Variants in LRIF1 observed in about 807,000 individuals in gnomAD.
The protein encoded by LRIF1 is ligand-dependent nuclear receptor-interacting factor 1.
A neutral mutation model predicts 52.7 loss-of-function variants in LRIF1; 32 were observed. The ratio of observed to expected loss-of-function variants is 0.61; its 90% CI spans 0.46 to 0.82. The LOEUF is 0.82. Among genes scored for constraint, LRIF1 ranks in the 40% least tolerant of loss-of-function variants. The pLI, the probability that LRIF1 is intolerant of heterozygous loss-of-function variation, is 0.00. For missense variants in LRIF1, 887 were observed against 892.0 expected (o/e 0.99, Z 0.07); for synonymous variants, 323 against 317.4 (o/e 1.02, Z -0.19).
the LRIF1 span, among the ~76,000 whole-genome samples, chr1:110,905,355 G>T: frequency 1.3e-5 from 2 of 151,870 alleles, no homozygotes; most frequent in Non-Finnish European, 2.9e-5. Flanking sequence ...GACTCCCAAA[G>T]ATCAAGGACA....
the LRIF1 span, chr1:110,891,270 T>C: frequency 1.4e-6 from 1 of 701,288 alleles, no homozygotes; most frequent in Non-Finnish European, 2.5e-6. Context: ...GGGGAAACTT[T>C]CCAGAGGAGA....
chr1:110,937,832 A>T, the LRIF1 span: 1 of 152,140 alleles, frequency 6.6e-6, no homozygotes, highest in African/African-American at 2.4e-5. Flanking sequence ...CAGACTAAGA[A>T]GAAAAAAGGA....
intron 2 of LRIF1, 105 bp downstream of exon 2, chr1:110,951,183 G>T: frequency 1.1e-6 from 1 of 892,756 alleles, no homozygotes; most frequent in Non-Finnish European, 1.7e-6. Context: ...TGTGTGATGG[G>T]GTTGGCAGTG....
chr1:110,901,942 C>CT, the LRIF1 span, among the ~76,000 whole-genome samples: 1 of 152,186 alleles, frequency 6.6e-6, no homozygotes, highest in Non-Finnish European at 1.5e-5. Flanking sequence ...TAGGCTTTGT[C>CT]TTTAACTCTA....
the LRIF1 span, among the ~76,000 whole-genome samples, chr1:110,884,447 TG>T: frequency 6.6e-6 from 1 of 152,154 alleles, no homozygotes; most frequent in South Asian, 2.1e-4. Flanking sequence ...TCTGCTGTTG[TG>T]GGGTGGAGTG....
the LRIF1 span, among the ~76,000 whole-genome samples, chr1:110,882,449 G>T: frequency 6.6e-5 from 10 of 151,938 alleles, no homozygotes; most frequent in Non-Finnish European, 1.5e-4. Flanking sequence ...TTTAACACCA[G>T]TGCTATCCTG....
intron 2 of LRIF1, among the ~76,000 whole-genome samples, chr1:110,950,597 G>T (rs1212433403): frequency 6.6e-6 from 1 of 151,892 alleles, no homozygotes; most frequent in Non-Finnish European, 1.5e-5. Context: ...GAAAAGATGG[G>T]TACAAATATC....
the LRIF1 span, among the ~76,000 whole-genome samples, chr1:110,889,761 A>G: frequency 3.9e-5 from 6 of 152,188 alleles, no homozygotes. Context: ...ATTCTCACAC[A>G]GCTGTTTAGA....
chr1:110,957,301 C>CAAAAAAA (rs35011841), intron 1 of LRIF1, among the ~76,000 whole-genome samples: 58 of 81,810 alleles, frequency 7.1e-4, no homozygotes, highest in Non-Finnish European at 9.7e-4. Context: ...ACTAAAAATA[C>CAAAAAAA]AAAAAAAAAA....
the LRIF1 span, among the ~76,000 whole-genome samples, chr1:110,933,938 C>T: frequency 2.6e-5 from 4 of 152,144 alleles, no homozygotes; most frequent in African/African-American, 9.7e-5. Context: ...CCCCTTCCTT[C>T]TGCCTGAGGA....
chr1:110,892,621 G>A, the LRIF1 span: 1 of 1,055,818 alleles, frequency 9.5e-7, no homozygotes, highest in Non-Finnish European at 1.4e-6. Context: ...ATCACTTATA[G>A]GCACAGAAAG....
the LRIF1 span, among the ~76,000 whole-genome samples, chr1:110,890,734 C>G: frequency 6.6e-6 from 1 of 152,202 alleles, no homozygotes; most frequent in African/African-American, 2.4e-5. Flanking sequence ...ACATTGCTAT[C>G]TCTTTTTACT....
In LRIF1 at chr1:110,947,776, G is replaced by T; in HGVS notation, c.*183C>A. ...TAAGACAAAGGTATAGATACCCCAT[G>T]TAAATTATTCACAAGTCATATGTGA... On this transcript the variant is annotated 3_prime_UTR_variant, in exon 4 of 4. Coordinates refer to ENST00000369763, the MANE Select transcript of LRIF1 (RefSeq NM_018372.4). The T allele has an allele frequency of 1.5e-6, 1 of 685,082 alleles. No homozygotes were observed. Among genetic ancestry groups the T allele is most frequent in the Non-Finnish European group, 2.2e-6 (1 of 460,588 alleles). 42.4% of individuals were successfully genotyped at this position (685,082 alleles called of 1,614,324 possible).
chr1:110,962,095 C>CACAA (rs1658981580), intron 1 of LRIF1, among the ~76,000 whole-genome samples: 1 of 150,978 alleles, frequency 6.6e-6, no homozygotes, highest in Admixed American at 6.6e-5. Context: ...CACACACACA[C>CACAA]AAAGTAAAGT....
At chr1:110,936,351 G>C in the LRIF1 span, 4 of 152,132 alleles carry the variant, frequency 2.6e-5, no homozygotes, top group Non-Finnish European at 5.9e-5. Flanking sequence ...TAAAAAGAAA[G>C]ACTGACCAAT....
chr1:110,943,914 A>AT (rs1454661318), downstream of LRIF1: 1 of 152,198 alleles, frequency 6.6e-6, no homozygotes, highest in Non-Finnish European at 1.5e-5. Context: ...TATTACAGAA[A>AT]TTTTAAGAGC....
At chr1:110,907,429 G>A in the LRIF1 span, among the ~76,000 whole-genome samples, 1 of 152,156 alleles carries the variant, frequency 6.6e-6, no homozygotes, top group Non-Finnish European at 1.5e-5. Flanking sequence ...TGGGCATCTT[G>A]CTCCAACTTC....
chr1:110,949,986 C>T lies in LRIF1; in HGVS notation c.1734G>A (p.Lys578=). 1 of 1,614,110 alleles carries T rather than the reference C, an allele frequency of 6.2e-7. No individual in the cohort carries two copies. Among genetic ancestry groups the T allele is most frequent in the Non-Finnish European group, 8.5e-7 (1 of 1,180,006 alleles). The change falls in exon 3 of 4, where the codon AAG becomes AAA. Residue 578 remains lysine (K), a synonymous_variant. Coordinates refer to ENST00000369763, the MANE Select transcript of LRIF1 (RefSeq NM_018372.4). The part of the protein sequence containing the change: ...AEFKKIFGLT[K]DLRVCLTRIP... ...TTCGAGTAAGGCACACTCTCAAATCCTTAGTAAGGCCAAATATCTTTTTAA... is the reference window on the plus strand; with the variant it reads ...TTCGAGTAAGGCACACTCTCAAATCTTTAGTAAGGCCAAATATCTTTTTAA...
the LRIF1 span, among the ~76,000 whole-genome samples, chr1:110,935,567 G>T: frequency 6.6e-6 from 1 of 152,190 alleles, no homozygotes; most frequent in Non-Finnish European, 1.5e-5. Context: ...ATTGAAGAAT[G>T]CATCAGAATA....
Sources: allele counts gnomAD v4.1 joint callset (sites outside exome capture counted in the v4.1 genomes callset), GRCh38; gene constraint gnomAD v4.1.1; transcripts MANE v1.5; gene names NCBI Gene and HGNC (gene_info 2026-07-23, HGNC 2026-07-21).